RABGAP1L: variants seen among roughly 807,000 people sequenced by gnomAD.
RABGAP1L encodes the protein rab GTPase-activating protein 1-like.
A neutral mutation model predicts 137.7 loss-of-function variants in RABGAP1L; 63 were observed. The observed-to-expected ratio is 0.46, with a 90% CI of 0.37 to 0.56. The LOEUF (loss-of-function observed/expected upper bound fraction) is 0.56. Among genes scored for constraint, RABGAP1L ranks in the 20% least tolerant of loss-of-function variants. The probability of loss-of-function intolerance (pLI) is 0.00; values close to 1 mark genes in which losing one functional copy is unlikely to be tolerated. For synonymous variants in RABGAP1L, 431 were observed against 433.7 expected (o/e 0.99, Z 0.08); for missense variants, 1,095 against 1,244.0 (o/e 0.88, Z 1.80).
chr1:174,231,920 C>T (rs185839878), intron 4 of RABGAP1L, among the ~76,000 whole-genome samples: 1 of 152,146 alleles, frequency 6.6e-6, no homozygotes. Context: ...TTGGAGATTA[C>T]AATTTGACAT....
intron 17 of RABGAP1L, among the ~76,000 whole-genome samples, chr1:174,722,382 A>G (rs1383027196): frequency 6.6e-6 from 1 of 152,046 alleles, no homozygotes; most frequent in African/African-American, 2.4e-5. Context: ...TACGAAAAGT[A>G]CTTTGTTTAA....
chr1:174,498,158 T>G (rs1168286414), intron 13 of RABGAP1L, among the ~76,000 whole-genome samples: 2 of 152,182 alleles, frequency 1.3e-5, no homozygotes, highest in African/African-American at 4.8e-5. Flanking sequence ...GTATTTTTCA[T>G]TTAGATTTGA....
chr1:174,547,135 A>G (rs751567045), intron 13 of RABGAP1L, among the ~76,000 whole-genome samples: 1 of 151,512 alleles, frequency 6.6e-6, no homozygotes, highest in East Asian at 2.0e-4. Context: ...TGACATAGAG[A>G]TTTAAAATTA....
Position 174,489,651 on chromosome 1 carries a change from G to C in RABGAP1L, c.1710+95506G>C, listed in dbSNP as rs567028482. Among the ~76,000 whole-genome samples the C allele has an allele frequency of 9.6e-4, 146 of 152,198 alleles. 1 individual carries two copies. Among genetic ancestry groups the C allele is most frequent in the Middle Eastern group, 3.4e-3 (1 of 294 alleles). On this transcript the variant is annotated intron_variant, in intron 13 of 25. Transcript: ENST00000681986. ...CCTCAAGGATCTAGAACTAGAAATA[G>C]CATTTGACCCAGCCATCCCATTACT...
intron 1 of RABGAP1L, among the ~76,000 whole-genome samples, chr1:174,208,683 G>T (rs1668666467): frequency 6.6e-6 from 1 of 152,038 alleles, no homozygotes; most frequent in South Asian, 2.1e-4. Context: ...AAGAATTTTT[G>T]TATTAATGTC....
At chr1:174,418,617 G>T (rs1650884959) in intron 13 of RABGAP1L, among the ~76,000 whole-genome samples, 4 of 152,136 alleles carry the variant, frequency 2.6e-5, no homozygotes, top group Admixed American at 2.0e-4. Flanking sequence ...ATTCTATGAT[G>T]CTTCAGGGGC....
chr1:174,584,443 T>C (rs1430251690), intron 13 of RABGAP1L, among the ~76,000 whole-genome samples: 5 of 152,160 alleles, frequency 3.3e-5, no homozygotes, highest in Non-Finnish European at 7.4e-5. Context: ...AATATCATTC[T>C]TGGGTCAGGC....
intron 11 of RABGAP1L, among the ~76,000 whole-genome samples, chr1:174,318,045 G>GTTT (rs60940580): frequency 2.1e-5 from 3 of 144,856 alleles, no homozygotes; most frequent in Non-Finnish European, 3.0e-5. Flanking sequence ...GTTCAGGACT[G>GTTT]TTTTTTTTTT....
chr1:174,202,283 C>T (rs976645214), intron 1 of RABGAP1L, among the ~76,000 whole-genome samples: 2 of 152,030 alleles, frequency 1.3e-5, no homozygotes, highest in South Asian at 4.2e-4. Flanking sequence ...TAAAAGTGTT[C>T]CTATTTCTCC....
At chr1:174,699,791 A>G (rs1020825667) in intron 16 of RABGAP1L, 141 bp downstream of exon 16, 23 of 772,018 alleles carry the variant, frequency 3.0e-5, no homozygotes, top group Admixed American at 1.8e-4. Flanking sequence ...TTTCAGACCA[A>G]TATCTACATT....
chr1:174,639,976 A>T (rs1045852731), intron 14 of RABGAP1L, among the ~76,000 whole-genome samples: 1 of 152,206 alleles, frequency 6.6e-6, no homozygotes, highest in Non-Finnish European at 1.5e-5. Context: ...TAAAATGTAT[A>T]TCTGAGATAC....
At chr1:174,779,674 TAGAA>T (rs888310095) in intron 18 of RABGAP1L, among the ~76,000 whole-genome samples, 44 of 152,298 alleles carry the variant, frequency 2.9e-4, no homozygotes, top group Admixed American at 2.5e-3. Context: ...AGTTTTGTAT[TAGAA>T]AGAAATCATA....
intron 13 of RABGAP1L, among the ~76,000 whole-genome samples, chr1:174,467,786 A>G (rs1657468276): frequency 6.6e-6 from 1 of 152,104 alleles, no homozygotes; most frequent in South Asian, 2.1e-4. Flanking sequence ...TCTACCTAAT[A>G]TATGCTACCT....
intron 19 of RABGAP1L, among the ~76,000 whole-genome samples, chr1:174,884,288 C>T (rs528586986): frequency 2.6e-5 from 4 of 152,196 alleles, no homozygotes; most frequent in Non-Finnish European, 5.9e-5. Flanking sequence ...TCTGTAATTA[C>T]TTCCTCCTTA....
At chr1:174,870,457 ACAG>A (rs1421183953) in intron 19 of RABGAP1L, among the ~76,000 whole-genome samples, 2 of 152,168 alleles carry the variant, frequency 1.3e-5, no homozygotes, top group Non-Finnish European at 2.9e-5. Context: ...TGTTTGAGAA[ACAG>A]CAGTGTTTGG....
intron 13 of RABGAP1L, among the ~76,000 whole-genome samples, chr1:174,603,002 A>C (rs1473039979): frequency 6.6e-6 from 1 of 152,100 alleles, no homozygotes; most frequent in Non-Finnish European, 1.5e-5. Context: ...GTTGATGCTT[A>C]TAGATGTTTG....
rs534220767 is a variant in RABGAP1L, at chr1:174,302,187, G to C, written c.1324-2799G>C. On this transcript the variant is annotated intron_variant, in intron 10 of 25. Transcript: ENST00000681986. Reference sequence around the variant, plus strand: ...TTTTTTCAGGATTTCCAGAGTAGTGGTAGATTAGGACACAGAAGCCACTTT... The same window carrying C: ...TTTTTTCAGGATTTCCAGAGTAGTGCTAGATTAGGACACAGAAGCCACTTT... Among the ~76,000 whole-genome samples, 7 of 152,272 alleles carry C rather than the reference G, an allele frequency of 4.6e-5. No homozygotes were observed. The South Asian group carries it at 1.5e-3, about 32-fold the overall frequency.
chr1:174,466,837 G>C (rs1348369989), intron 13 of RABGAP1L, among the ~76,000 whole-genome samples: 1 of 152,110 alleles, frequency 6.6e-6, no homozygotes, highest in Non-Finnish European at 1.5e-5. Flanking sequence ...CTGCCCTCTA[G>C]AGTCAAACTG....
intron 13 of RABGAP1L, among the ~76,000 whole-genome samples, chr1:174,601,920 A>G (rs962565401): frequency 2.0e-5 from 3 of 152,090 alleles, no homozygotes; most frequent in Non-Finnish European, 4.4e-5. Context: ...CCTTTGCCCC[A>G]TTTCCCAACA....
Sources: allele counts gnomAD v4.1 joint callset (sites outside exome capture counted in the v4.1 genomes callset), GRCh38; gene constraint gnomAD v4.1.1; transcripts MANE v1.5; gene names NCBI Gene and HGNC (gene_info 2026-07-23, HGNC 2026-07-21).